The following ITGA1 variants were observed in gnomAD, a reference collection of about 807,000 sequenced individuals.
The protein encoded by ITGA1 is integrin alpha-1.
ITGA1 carries 85 observed loss-of-function variants against 145.9 expected under a neutral mutation model. The observed-to-expected ratio is 0.58, with a 90% CI of 0.49 to 0.70. The LOEUF (loss-of-function observed/expected upper bound fraction) is 0.70. Among genes scored for constraint, ITGA1 ranks in the 30% least tolerant of loss-of-function variants. The probability of loss-of-function intolerance (pLI) is 0.00; values close to 1 mark genes in which losing one functional copy is unlikely to be tolerated. For synonymous variants in ITGA1, 520 were observed against 495.3 expected (o/e 1.05, Z -0.66); for missense variants, 1,351 against 1,418.7 (o/e 0.95, Z 0.77).
At chr5:52,920,895 T>C (rs1750720606) in intron 17 of ITGA1, among the ~76,000 whole-genome samples, 1 of 152,184 alleles carries the variant, frequency 6.6e-6, no homozygotes, top group Non-Finnish European at 1.5e-5. Context: ...CTTTCTGGGA[T>C]CCATGTAACT....
At position 52,897,515 on chromosome 5, in the gene ITGA1, C is replaced by T; in HGVS notation, c.1151C>T (p.Ala384Val). The T allele has an allele frequency of 6.2e-7, 1 of 1,612,512 alleles. No individual in the cohort carries two copies. Among genetic ancestry groups the T allele is most frequent in the Non-Finnish European group, 8.5e-7 (1 of 1,178,728 alleles). Residue 384 changes from alanine (A) to valine (V), a missense_variant, in exon 10 of 29, where the codon GCT (alanine) becomes GTT (valine). Coordinates refer to ENST00000282588, the MANE Select transcript of ITGA1 (RefSeq NM_181501.2). Reference sequence around the variant, plus strand: ...GAAATGTCTCAGACTGGCTTCAGTGCTCATTATTCACAGGTATGTTGACCA... The same window carrying T: ...GAAATGTCTCAGACTGGCTTCAGTGTTCATTATTCACAGGTATGTTGACCA... ...EMEMSQTGFSAHYSQDWVMLG... is the reference protein window; with the variant it reads ...EMEMSQTGFSVHYSQDWVMLG...
Position 52,865,094 on chromosome 5 carries a change from A to G in ITGA1, c.496+12A>G, listed in dbSNP as rs1331257765. On this transcript the variant is annotated intron_variant, in intron 5 of 28. Coordinates refer to ENST00000282588, the MANE Select transcript of ITGA1 (RefSeq NM_181501.2). ...TGCCCCTGTACAAGGTACAGATTTT[A>G]TGCAATGTTCTTGCATGTTTGAAAA... is the stretch of plus-strand genomic sequence containing the variant. The G allele has an allele frequency of 3.2e-6, 5 of 1,575,248 alleles. No individual in the cohort carries two copies. In the Admixed American group the frequency reaches 5.1e-5, roughly 16 times the overall value.
chr5:52,830,374 A>G (rs2111719765), intron 1 of ITGA1, among the ~76,000 whole-genome samples: 1 of 152,330 alleles, frequency 6.6e-6, no homozygotes, highest in East Asian at 1.9e-4. Flanking sequence ...TATTTCAAAG[A>G]TAAACTTTGG....
intron 1 of ITGA1, among the ~76,000 whole-genome samples, chr5:52,804,594 C>T (rs972538067): frequency 3.9e-5 from 6 of 152,036 alleles, no homozygotes; most frequent in African/African-American, 1.4e-4. Context: ...TTTCAGCTTC[C>T]CTGACTAATT....
intron 2 of ITGA1, among the ~76,000 whole-genome samples, chr5:52,855,399 C>T (rs897800329): frequency 6.6e-6 from 1 of 152,124 alleles, no homozygotes; most frequent in Non-Finnish European, 1.5e-5. Flanking sequence ...AGTATAAATT[C>T]TCAGGTCTGC....
chr5:52,910,196 T>C lies in ITGA1; in HGVS notation c.1634T>C (p.Ile545Thr), dbSNP rs1177654268. The change falls in exon 14 of 29, where the codon ATT becomes ACT. Residue 545 changes from isoleucine (I) to threonine (T), a missense_variant. By Grantham distance (89) the Ile-to-Thr change is moderately conservative. Coordinates refer to ENST00000282588, the MANE Select transcript of ITGA1 (RefSeq NM_181501.2). ...RFEYQMSLEPIKQTCCSSRQH... is the reference protein window; with the variant it reads ...RFEYQMSLEPTKQTCCSSRQH... ...GAATATCAAATGAGCCTGGAACCTA[T>C]TAAGCAGACGTGCTGTTCATCTCGG... 1.9e-6 allele frequency: 3 copies of C among 1,613,256 alleles called. No homozygotes were observed. The highest frequency in any genetic ancestry group is 2.5e-6 in the Non-Finnish European group (3 of 1,179,250).
chr5:52,890,070 T>C (rs2111818531), intron 8 of ITGA1: 1 of 152,286 alleles, frequency 6.6e-6, no homozygotes, highest in South Asian at 2.1e-4. Flanking sequence ...TGTGTATTTA[T>C]TTTAATAATA....
chr5:52,855,079 G>A (rs1749492261), intron 2 of ITGA1, among the ~76,000 whole-genome samples: 1 of 152,188 alleles, frequency 6.6e-6, no homozygotes. Context: ...CCTTCACCTT[G>A]ACCCTGTGGG....
At chr5:52,803,106 T>C (rs1748520602) in intron 1 of ITGA1, 1 of 152,188 alleles carries the variant, frequency 6.6e-6, no homozygotes, top group South Asian at 2.1e-4. Context: ...CAAGTAGTGA[T>C]ACTAACTAAA....
At chr5:52,800,201 G>A in intron 1 of ITGA1, 1 of 604,876 alleles carries the variant, frequency 1.7e-6, no homozygotes, top group South Asian at 2.0e-5. Flanking sequence ...GGGAGACTGA[G>A]AGAGGAAAGG....
Position 52,898,227 on chromosome 5 carries a change from T to C in ITGA1, c.1165-12T>C. On this transcript the variant is annotated splice_polypyrimidine_tract_variant and intron_variant, in intron 10 of 28. Transcript: ENST00000282588. ...TTATTAAATATTATTATCTTATTTA[T>C]TTGCATGTAAGGACTGGGTCATGCT... 13 of 1,477,516 alleles carry C rather than the reference T, an allele frequency of 8.8e-6. No homozygotes were observed. Among genetic ancestry groups the C allele is most frequent in the Non-Finnish European group, 1.2e-5 (13 of 1,108,914 alleles). 91.5% of individuals were successfully genotyped at this position (1,477,516 alleles called of 1,614,324 possible).
intron 11 of ITGA1, among the ~76,000 whole-genome samples, chr5:52,900,930 T>A (rs973512525): frequency 2.0e-5 from 3 of 152,206 alleles, no homozygotes; most frequent in African/African-American, 7.2e-5. Flanking sequence ...TGTAATGTTA[T>A]ATAATAAACA....
intron 1 of ITGA1, chr5:52,800,273 C>A: frequency 3.0e-6 from 3 of 987,020 alleles, no homozygotes; most frequent in Non-Finnish European, 4.6e-6. Flanking sequence ...TCCCGCCAGG[C>A]AAGTGCCCTT....
At chr5:52,849,328 T>C in intron 1 of ITGA1, 37 bp from the exon 2 acceptor site, 1 of 1,560,528 alleles carries the variant, frequency 6.4e-7, no homozygotes. Context: ...GACTCTTAGT[T>C]AACTCTATGT....
intron 14 of ITGA1, among the ~76,000 whole-genome samples, chr5:52,913,681 C>G (rs1202140038): frequency 6.6e-6 from 1 of 152,150 alleles, no homozygotes; most frequent in African/African-American, 2.4e-5. Flanking sequence ...TCACTACCTT[C>G]TAGCTTATAT....
At chr5:52,941,403 T>G (rs1052035613) in intron 26 of ITGA1, among the ~76,000 whole-genome samples, 1 of 152,232 alleles carries the variant, frequency 6.6e-6, no homozygotes, top group Non-Finnish European at 1.5e-5. Context: ...GTGTATAAGC[T>G]TTTCCTTTTC....
At chr5:52,942,933 CTT>C in intron 26 of ITGA1, among the ~76,000 whole-genome samples, 1 of 152,240 alleles carries the variant, frequency 6.6e-6, no homozygotes, top group South Asian at 2.1e-4. Flanking sequence ...TATTCTGAAA[CTT>C]TACTAAAGTC....
intron 20 of ITGA1, 65 bp downstream of exon 20, chr5:52,927,729 T>C (rs1750833436): frequency 2.9e-6 from 3 of 1,026,218 alleles, no homozygotes; most frequent in Non-Finnish European, 4.5e-6. Context: ...CAAAGACAAA[T>C]ATATAAATCC....
At chr5:52,798,224 G>C (rs1353383724) in intron 1 of ITGA1, among the ~76,000 whole-genome samples, 2 of 152,212 alleles carry the variant, frequency 1.3e-5, no homozygotes, top group South Asian at 2.1e-4. Context: ...AAGGCAATGT[G>C]AATTAGGAAC....
Sources: gnomAD v4.1 joint callset for allele counts (sites outside exome capture counted in the v4.1 genomes callset) on GRCh38, gnomAD v4.1.1 for gene constraint, MANE v1.5 for transcripts, NCBI Gene and HGNC (gene_info 2026-07-23, HGNC 2026-07-21) for gene names.